AGBL4: variants seen among roughly 807,000 people sequenced by gnomAD.
The protein encoded by AGBL4 is AGBL carboxypeptidase 4, also known as cytosolic carboxypeptidase 6.
Under a neutral mutation model 66.4 loss-of-function variants are expected in AGBL4, and 58 were observed. The ratio of observed to expected loss-of-function variants is 0.87; its 90% CI spans 0.71 to 1.09. The LOEUF (loss-of-function observed/expected upper bound fraction) is 1.09. Ranked by LOEUF, AGBL4 falls within the 50% of genes least tolerant of loss-of-function variation. The probability of loss-of-function intolerance (pLI) is 0.00; values close to 1 mark genes in which losing one functional copy is unlikely to be tolerated. For synonymous variants in AGBL4, 234 were observed against 222.9 expected, an observed-to-expected ratio of 1.05 and a Z score of -0.44; for missense variants, 579 against 631.0, an observed-to-expected ratio of 0.92 and a Z score of 0.88.
At chr1:49,285,570 A>G (rs1644384774) in intron 3 of AGBL4, among the ~76,000 whole-genome samples, 4 of 152,162 alleles carry the variant, frequency 2.6e-5, no homozygotes, top group Admixed American at 2.6e-4. Flanking sequence ...CAAAAAATTA[A>G]TGAATCCAGG....
intron 1 of AGBL4, among the ~76,000 whole-genome samples, chr1:49,875,037 C>A (rs1168821264): frequency 7.0e-6 from 1 of 142,048 alleles, no homozygotes; most frequent in Non-Finnish European, 1.5e-5. Context: ...CATGTATTCT[C>A]ATTGTTCAAT....
intron 11 of AGBL4, among the ~76,000 whole-genome samples, chr1:48,542,305 T>G (rs1644086890): frequency 6.6e-6 from 1 of 152,232 alleles, no homozygotes; most frequent in African/African-American, 2.4e-5. Context: ...TAAACATACG[T>G]GTGCATGTGT....
At chr1:48,635,506 G>C (rs541998639) in intron 8 of AGBL4, among the ~76,000 whole-genome samples, 1 of 152,174 alleles carries the variant, frequency 6.6e-6, no homozygotes. Context: ...TCCATCCTTC[G>C]TGAGTGTGGG....
intron 3 of AGBL4, among the ~76,000 whole-genome samples, chr1:49,511,488 G>C (rs1649247746): frequency 6.7e-6 from 1 of 149,534 alleles, no homozygotes; most frequent in Non-Finnish European, 1.5e-5. Context: ...ATAGCATTGG[G>C]AGATATACCT....
At chr1:49,442,962 T>C (rs1646068866) in intron 3 of AGBL4, among the ~76,000 whole-genome samples, 1 of 152,180 alleles carries the variant, frequency 6.6e-6, no homozygotes, top group Non-Finnish European at 1.5e-5. Context: ...GACTTTTTAA[T>C]AACAGCCACG....
intron 3 of AGBL4, among the ~76,000 whole-genome samples, chr1:49,626,786 C>T (rs1003231366): frequency 2.0e-5 from 3 of 152,080 alleles, no homozygotes; most frequent in Non-Finnish European, 4.4e-5. Context: ...GTGGCTACTC[C>T]ATTCATGTGC....
intron 4 of AGBL4, among the ~76,000 whole-genome samples, chr1:49,206,149 A>G (rs1180287401): frequency 1.3e-5 from 2 of 152,134 alleles, no homozygotes; most frequent in Non-Finnish European, 2.9e-5. Context: ...GGCAAAGAAA[A>G]GTCTAGAACT....
intron 5 of AGBL4, among the ~76,000 whole-genome samples, chr1:49,002,096 G>A (rs998513606): frequency 6.6e-5 from 10 of 152,234 alleles, no homozygotes; most frequent in South Asian, 4.1e-4. Context: ...CAAATATTAC[G>A]TATAATTGAG....
chr1:48,630,668 C>G (rs1357033715), intron 9 of AGBL4, among the ~76,000 whole-genome samples: 1 of 152,188 alleles, frequency 6.6e-6, no homozygotes, highest in African/African-American at 2.4e-5. Flanking sequence ...CTAACAGGCA[C>G]CAGAGGGGTC....
Position 48,596,394 on chromosome 1 carries a change from C to G in AGBL4, c.952-5409G>C, listed in dbSNP as rs114018552. ...GATTTACCCCAGGAAGATGTTTTCC[C>G]CTGGGACTGAGACAAAAAAGCCCCA... On this transcript the variant is annotated intron_variant, in intron 9 of 13. Coordinates refer to ENST00000371839, the MANE Select transcript of AGBL4 (RefSeq NM_032785.4). 4.3e-3 allele frequency among the ~76,000 whole-genome samples: 656 copies of G among 152,198 alleles called. 2 individuals are homozygous for G. Among genetic ancestry groups the G allele is most frequent in the Non-Finnish European group, 6.9e-3 (466 of 68,018 alleles).
chr1:49,003,660 TCA>T (rs1661562445), intron 5 of AGBL4, among the ~76,000 whole-genome samples: 1 of 152,120 alleles, frequency 6.6e-6, no homozygotes, highest in Non-Finnish European at 1.5e-5. Context: ...TTACCTTTCC[TCA>T]CAGTTACTCG....
intron 2 of AGBL4, among the ~76,000 whole-genome samples, chr1:49,751,164 G>A (rs1379604854): frequency 6.7e-6 from 1 of 149,800 alleles, no homozygotes; most frequent in Non-Finnish European, 1.5e-5. Flanking sequence ...TTGTACTGGT[G>A]TTCAAAGATA....
At chr1:49,096,734 A>T (rs1367084875) in intron 4 of AGBL4, among the ~76,000 whole-genome samples, 1 of 151,466 alleles carries the variant, frequency 6.6e-6, no homozygotes. Flanking sequence ...GATATATCTA[A>T]TGTTAAATGA....
the AGBL4 span, among the ~76,000 whole-genome samples, chr1:48,522,925 CA>C: frequency 0.68 from 91,016 of 133,572 alleles, 29,931 homozygotes; most frequent in Admixed American, 0.76. Context: ...GACTCCATCT[CA>C]AAAAAAAAAA....
intron 11 of AGBL4, among the ~76,000 whole-genome samples, chr1:48,575,816 C>A (rs971401197): frequency 4.6e-5 from 7 of 152,224 alleles, no homozygotes; most frequent in Non-Finnish European, 5.9e-5. Flanking sequence ...CACTCTCCTG[C>A]CCATCTCCTC....
chr1:49,149,816 T>C (rs1046443278), intron 4 of AGBL4, among the ~76,000 whole-genome samples: 4 of 152,156 alleles, frequency 2.6e-5, no homozygotes, highest in South Asian at 2.1e-4. Flanking sequence ...AAGCCATGCA[T>C]TGTGAGTAAT....
chr1:49,786,032 C>T (rs1571562933), intron 2 of AGBL4, among the ~76,000 whole-genome samples: 1 of 151,934 alleles, frequency 6.6e-6, no homozygotes, highest in East Asian at 1.9e-4. Flanking sequence ...ATTACCTAAA[C>T]CGTTATCCAT....
intron 3 of AGBL4, among the ~76,000 whole-genome samples, chr1:49,695,406 G>A (rs946937346): frequency 2.6e-5 from 4 of 152,068 alleles, no homozygotes; most frequent in Non-Finnish European, 1.5e-5. Context: ...GACTAAAGCC[G>A]CCTATCGTGG....
chr1:49,302,716 C>T (rs928787667), intron 3 of AGBL4, among the ~76,000 whole-genome samples: 1 of 142,674 alleles, frequency 7.0e-6, no homozygotes, highest in East Asian at 2.1e-4. Flanking sequence ...CAGGTTGTTA[C>T]ATAGGGAAAC....
Sources: allele counts gnomAD v4.1 joint callset (sites outside exome capture counted in the v4.1 genomes callset), GRCh38; gene constraint gnomAD v4.1.1; transcripts MANE v1.5; gene names NCBI Gene and HGNC (gene_info 2026-07-23, HGNC 2026-07-21).